The following TMPRSS15 variants were observed in gnomAD, a reference collection of about 807,000 sequenced individuals.
The protein encoded by TMPRSS15 is transmembrane serine protease 15.
TMPRSS15 carries 128 observed loss-of-function variants against 125.3 expected under a neutral mutation model. The observed-to-expected ratio is 1.02, with a 90% CI of 0.89 to 1.18. The LOEUF (loss-of-function observed/expected upper bound fraction) is 1.18, where lower values mean the gene tolerates loss of function less well. Among genes scored for constraint, TMPRSS15 ranks in the 50% most tolerant of loss-of-function variants. The probability of loss-of-function intolerance (pLI) is 0.00; values close to 1 mark genes in which losing one functional copy is unlikely to be tolerated. For missense variants in TMPRSS15, 1,283 were observed against 1,212.7 expected (o/e 1.06, Z -0.86); for synonymous variants, 446 against 423.2 (o/e 1.05, Z -0.66).
chr21:18,294,987 G>A (rs2074885331), intron 19 of TMPRSS15, among the ~76,000 whole-genome samples: 1 of 152,112 alleles, frequency 6.6e-6, no homozygotes, highest in African/African-American at 2.4e-5. Context: ...CTATTACAGG[G>A]CCTTATACAC....
rs956638299 is a variant in TMPRSS15, at chr21:18,279,035, G to GA, written c.2692_2693insT (p.Pro898LeufsTer35). 1 of 1,588,928 alleles carries GA rather than the reference G, an allele frequency of 6.3e-7. No individual in the cohort carries two copies. The highest frequency in any genetic ancestry group is 1.4e-5 in the African/African-American group (1 of 72,606). On this transcript the variant is annotated frameshift_variant, in exon 23 of 25. Coordinates refer to ENST00000284885, the MANE Select transcript of TMPRSS15 (RefSeq NM_002772.3). LOFTEE classifies it high-confidence loss of function. Reference sequence around the variant, plus strand: ...TGGAGGAAAAACTTGATTTTCTTCCGGTAAACAAATAGGTTGTATGTAATC... The same window carrying GA: ...TGGAGGAAAAACTTGATTTTCTTCCGAGTAAACAAATAGGTTGTATGTAATC...
intron 18 of TMPRSS15, among the ~76,000 whole-genome samples, chr21:18,312,442 G>A (rs372800483): frequency 3.3e-5 from 5 of 150,406 alleles, no homozygotes; most frequent in African/African-American, 7.3e-5. Context: ...ATACTGTAGC[G>A]GGAGAGGTTA....
intron 1 of TMPRSS15, among the ~76,000 whole-genome samples, chr21:18,456,207 T>C (rs2052943830): frequency 6.6e-6 from 1 of 152,112 alleles, no homozygotes; most frequent in Non-Finnish European, 1.5e-5. Flanking sequence ...GAGTAAAATA[T>C]TTACAGGGGA....
At chr21:18,477,926 G>A (rs1978909022) in intron 1 of TMPRSS15, among the ~76,000 whole-genome samples, 1 of 152,008 alleles carries the variant, frequency 6.6e-6, no homozygotes, top group African/African-American at 2.4e-5. Flanking sequence ...CCCACAATTA[G>A]GAAAGGTTCC....
intron 1 of TMPRSS15, among the ~76,000 whole-genome samples, chr21:18,460,277 T>G (rs1285380240): frequency 6.6e-6 from 1 of 151,190 alleles, no homozygotes; most frequent in Non-Finnish European, 1.5e-5. Flanking sequence ...TAGCAGTAGG[T>G]TTTTTTTTGG....
chr21:18,294,162 C>T (rs1309533760), intron 21 of TMPRSS15, 108 bp downstream of exon 21: 8 of 1,289,552 alleles, frequency 6.2e-6, no homozygotes, highest in African/African-American at 1.5e-5. Context: ...TCATAAACAG[C>T]AGGATTTCCC....
intron 1 of TMPRSS15, among the ~76,000 whole-genome samples, chr21:18,436,080 C>T (rs1449773686): frequency 6.6e-6 from 1 of 151,072 alleles, no homozygotes; most frequent in Non-Finnish European, 1.5e-5. Flanking sequence ...TTCAAAAAAC[C>T]AGCTCCTGGA....
At chr21:18,423,075 A>G (rs2076195573) in intron 1 of TMPRSS15, among the ~76,000 whole-genome samples, 1 of 152,210 alleles carries the variant, frequency 6.6e-6, no homozygotes, top group Admixed American at 6.5e-5. Flanking sequence ...AGTTCACCAA[A>G]GGCAGGTTAC....
intron 1 of TMPRSS15, among the ~76,000 whole-genome samples, chr21:18,424,730 T>A (rs887651398): frequency 2.6e-5 from 4 of 151,966 alleles, no homozygotes; most frequent in African/African-American, 9.7e-5. Flanking sequence ...AGCCATAAAG[T>A]AATGGTTAAA....
intron 1 of TMPRSS15, among the ~76,000 whole-genome samples, chr21:18,437,078 T>C (rs1158658630): frequency 6.7e-6 from 1 of 148,644 alleles, no homozygotes; most frequent in Non-Finnish European, 1.5e-5. Flanking sequence ...CAAACTATAC[T>C]ACAAGGCTAC....
intron 1 of TMPRSS15, among the ~76,000 whole-genome samples, chr21:18,437,756 C>G (rs948247634): frequency 6.6e-6 from 1 of 152,136 alleles, no homozygotes; most frequent in South Asian, 2.1e-4. Flanking sequence ...CAGAGAAATG[C>G]GAATCAAAAC....
intron 8 of TMPRSS15, among the ~76,000 whole-genome samples, chr21:18,356,547 G>A (rs538465356): frequency 1.3e-5 from 2 of 151,788 alleles, no homozygotes; most frequent in South Asian, 2.1e-4. Flanking sequence ...GGGTACCAAA[G>A]AAGGAATCTT....
intron 21 of TMPRSS15, among the ~76,000 whole-genome samples, chr21:18,291,837 T>C (rs1422600722): frequency 6.6e-6 from 1 of 152,200 alleles, no homozygotes; most frequent in Non-Finnish European, 1.5e-5. Context: ...AGAATTCTAG[T>C]ACAACTTACC....
intron 1 of TMPRSS15, among the ~76,000 whole-genome samples, chr21:18,402,673 C>G (rs2123144452): frequency 6.6e-6 from 1 of 151,704 alleles, no homozygotes; most frequent in Non-Finnish European, 1.5e-5. Flanking sequence ...TTAAATTTAC[C>G]CTATAAATGA....
At chr21:18,438,868 C>T (rs960923557) in intron 1 of TMPRSS15, among the ~76,000 whole-genome samples, 1 of 152,140 alleles carries the variant, frequency 6.6e-6, no homozygotes, top group Non-Finnish European at 1.5e-5. Context: ...TTAATGACTT[C>T]AAATAATTAT....
chr21:18,337,964 A>T (rs1039164164), intron 13 of TMPRSS15, among the ~76,000 whole-genome samples: 4 of 152,130 alleles, frequency 2.6e-5, no homozygotes, highest in Admixed American at 1.3e-4. Context: ...GAACAAATAG[A>T]CTCCGGGCAG....
rs570808102 is a variant in TMPRSS15, at chr21:18,436,702, AG to A, written c.11-38374del. 7.9e-3 allele frequency among the ~76,000 whole-genome samples: 1,185 copies of A among 150,670 alleles called. 13 individuals carry two copies. The highest frequency in any genetic ancestry group is 0.027 in the African/African-American group (1,084 of 40,834). ...ACTCCCATTCACAATTGCTTCAAAG[AG>A]AATAAAATACCTAGGAATCCACCTT... On this transcript the variant is annotated intron_variant, in intron 1 of 7. Coordinates refer to the TMPRSS15 transcript ENST00000422787.
rs570142563 is a variant in TMPRSS15 at position 18,358,018 on chromosome 21, T to C, written c.880+1739A>G. On this transcript the variant is annotated intron_variant, in intron 8 of 24. Transcript: ENST00000284885. ...AATTAAGCAACTACCTATTATAATA[T>C]AACTACATATTCATTGATGTTTTCT... is the stretch of plus-strand genomic sequence containing the variant. Among the ~76,000 whole-genome samples the C allele has an allele frequency of 2.6e-5, 4 of 151,966 alleles. No individual in the cohort carries two copies. The South Asian group carries it at 8.3e-4, about 31-fold the overall frequency.
intron 1 of TMPRSS15, among the ~76,000 whole-genome samples, chr21:18,420,189 C>T (rs1413152264): frequency 2.6e-5 from 4 of 152,190 alleles, no homozygotes; most frequent in Non-Finnish European, 4.4e-5. Flanking sequence ...TTGAATTCCT[C>T]CAATGCTAGC....
Sources: allele counts gnomAD v4.1 joint callset (sites outside exome capture counted in the v4.1 genomes callset), GRCh38; gene constraint gnomAD v4.1.1; transcripts MANE v1.5; gene names NCBI Gene and HGNC (gene_info 2026-07-23, HGNC 2026-07-21).